FSTL5: variants seen among roughly 807,000 people sequenced by gnomAD.
FSTL5 encodes follistatin like 5, also known as follistatin-related protein 5.
Under a neutral mutation model 89.1 loss-of-function variants are expected in FSTL5, and 62 were observed. The observed-to-expected ratio is 0.70, with a 90% CI of 0.57 to 0.86. The LOEUF (loss-of-function observed/expected upper bound fraction) is 0.86, where lower values mean the gene tolerates loss of function less well. Among genes scored for constraint, FSTL5 ranks in the 40% least tolerant of loss-of-function variants. The probability of loss-of-function intolerance (pLI) is 0.00; values close to 1 mark genes in which losing one functional copy is unlikely to be tolerated. For missense variants in FSTL5, 1,057 were observed against 1,001.6 expected (o/e 1.06, Z -0.75); for synonymous variants, 383 against 346.2 (o/e 1.11, Z -1.18).
At chr4:161,779,772 T>A (rs1274504017) in intron 4 of FSTL5, among the ~76,000 whole-genome samples, 284 of 12,086 alleles carry the variant, frequency 0.023, 25 homozygotes, top group Middle Eastern at 0.056. Context: ...TATATATATA[T>A]ATGTATATAT....
intron 1 of FSTL5, among the ~76,000 whole-genome samples, chr4:162,155,221 C>A (rs1579070318): frequency 6.6e-6 from 1 of 152,226 alleles, no homozygotes; most frequent in African/African-American, 2.4e-5. Flanking sequence ...GGGAGATTAC[C>A]CTAGCTGGCC....
chr4:161,801,986 C>T (rs959724488), intron 4 of FSTL5, among the ~76,000 whole-genome samples: 1 of 151,662 alleles, frequency 6.6e-6, no homozygotes, highest in African/African-American at 2.4e-5. Flanking sequence ...ATACTCAAGC[C>T]ATGACAGTGG....
chr4:161,937,394 T>G (rs779253197), intron 3 of FSTL5, among the ~76,000 whole-genome samples: 4 of 152,184 alleles, frequency 2.6e-5, no homozygotes, highest in South Asian at 2.1e-4. Flanking sequence ...TTCCCAGAAC[T>G]GAAGGACATG....
At chr4:161,425,546 C>A (rs1181649273) in intron 15 of FSTL5, among the ~76,000 whole-genome samples, 1 of 151,978 alleles carries the variant, frequency 6.6e-6, no homozygotes, top group Non-Finnish European at 1.5e-5. Flanking sequence ...TATTTTTTGC[C>A]CAGGAAATTC....
At chr4:162,132,476 A>G (rs1474090383) in intron 1 of FSTL5, among the ~76,000 whole-genome samples, 3 of 152,170 alleles carry the variant, frequency 2.0e-5, no homozygotes, top group Non-Finnish European at 4.4e-5. Context: ...TCGGAACATC[A>G]GAAGGAACCA....
intron 12 of FSTL5, among the ~76,000 whole-genome samples, chr4:161,485,649 A>T (rs908233022): frequency 1.8e-4 from 27 of 152,244 alleles, no homozygotes; most frequent in African/African-American, 6.3e-4. Context: ...AAGTTTAAAA[A>T]AACTGAGTAG....
intron 2 of FSTL5, chr4:162,047,256 G>C (rs1046109957): frequency 6.6e-6 from 1 of 151,988 alleles, no homozygotes. Context: ...AAATAGTGTT[G>C]AGACTAGTTT....
chr4:162,004,218 A>G (rs947285662), intron 3 of FSTL5, among the ~76,000 whole-genome samples: 2 of 152,116 alleles, frequency 1.3e-5, no homozygotes, highest in Non-Finnish European at 2.9e-5. Context: ...CTCTTTAAAC[A>G]TTTTCCTCCT....
At chr4:161,846,432 A>T (rs944704788) in intron 4 of FSTL5, among the ~76,000 whole-genome samples, 22 of 152,266 alleles carry the variant, frequency 1.4e-4, no homozygotes, top group African/African-American at 5.1e-4. Flanking sequence ...TTTTAGAGTT[A>T]CGAGTTAAGA....
chr4:161,511,735 G>A (rs894901778), intron 10 of FSTL5, among the ~76,000 whole-genome samples: 1 of 152,004 alleles, frequency 6.6e-6, no homozygotes, highest in African/African-American at 2.4e-5. Context: ...GACATAGGAG[G>A]AAAGAGAACA....
At chr4:162,084,527 T>C (rs948584323) in intron 2 of FSTL5, among the ~76,000 whole-genome samples, 1 of 152,084 alleles carries the variant, frequency 6.6e-6, no homozygotes, top group African/African-American at 2.4e-5. Context: ...CCAACCCAAA[T>C]GCCCATCAAT....
intron 2 of FSTL5, among the ~76,000 whole-genome samples, chr4:162,055,163 C>T (rs1314195410): frequency 6.6e-6 from 1 of 151,694 alleles, no homozygotes; most frequent in Non-Finnish European, 1.5e-5. Flanking sequence ...TTGTTTAATG[C>T]TTATTTAATA....
chr4:161,436,003 C>T (rs1329630668), intron 15 of FSTL5, among the ~76,000 whole-genome samples: 1 of 152,084 alleles, frequency 6.6e-6, no homozygotes, highest in Admixed American at 6.5e-5. Flanking sequence ...CTATAAGTTT[C>T]CTCACATTTC....
chr4:161,811,525 G>T (rs1238143714), intron 4 of FSTL5, among the ~76,000 whole-genome samples: 1 of 151,986 alleles, frequency 6.6e-6, no homozygotes. Flanking sequence ...ATCTTAAAAT[G>T]ACTCTATTGA....
In FSTL5 at chr4:161,509,248, C is replaced by T. The variant is rs367875002; in HGVS notation, c.1339+1150G>A. On this transcript the variant is annotated intron_variant, in intron 11 of 15. Transcript: ENST00000306100. ...AACCCGAGAGGTGGAGGTTGCAGTGCGCCGAGATCGCGCCGTTGAACTCCA... is the reference window on the plus strand; with the variant it reads ...AACCCGAGAGGTGGAGGTTGCAGTGTGCCGAGATCGCGCCGTTGAACTCCA... Among the ~76,000 whole-genome samples the T allele has an allele frequency of 3.7e-3, 570 of 152,164 alleles. 3 individuals carry two copies. The highest frequency in any genetic ancestry group is 0.013 in the African/African-American group (521 of 41,546).
chr4:161,500,271 G>A, intron 11 of FSTL5, 137 bp from the exon 12 acceptor site: 4 of 578,680 alleles, frequency 6.9e-6, no homozygotes, highest in Admixed American at 6.5e-5. Flanking sequence ...AAACCATATG[G>A]GACCCTTACT....
chr4:161,607,339 T>C (rs1243446998), intron 7 of FSTL5, among the ~76,000 whole-genome samples: 1 of 152,204 alleles, frequency 6.6e-6, no homozygotes, highest in African/African-American at 2.4e-5. Context: ...ACTGCTGTTG[T>C]TGACCCAGCT....
chr4:161,747,533 C>G (rs1397770943), intron 6 of FSTL5, among the ~76,000 whole-genome samples: 1 of 152,198 alleles, frequency 6.6e-6, no homozygotes, highest in Admixed American at 6.5e-5. Flanking sequence ...ACGGTACCTG[C>G]AAATGTGCAT....
chr4:161,986,501 G>A lies in FSTL5; in HGVS notation c.160+47124C>T, dbSNP rs1018567781. Among the ~76,000 whole-genome samples, 68 of 152,266 alleles carry A rather than the reference G, an allele frequency of 4.5e-4. 2 individuals carry two copies. The highest frequency in any genetic ancestry group is 1.4e-3 in the African/African-American group (58 of 41,532). On this transcript the variant is annotated intron_variant, in intron 3 of 15. Transcript: ENST00000306100. ...CTGGGGCCAGAGGTTGCAGTGAGCCGAGATTGTGCCACTGCACTCTAGCCT... is the reference window on the plus strand; with the variant it reads ...CTGGGGCCAGAGGTTGCAGTGAGCCAAGATTGTGCCACTGCACTCTAGCCT...
Sources: allele counts gnomAD v4.1 joint callset (sites outside exome capture counted in the v4.1 genomes callset), GRCh38; gene constraint gnomAD v4.1.1; transcripts MANE v1.5; gene names NCBI Gene and HGNC (gene_info 2026-07-23, HGNC 2026-07-21).